Variants in PNPT1 observed in about 807,000 individuals in gnomAD.
The protein encoded by PNPT1 is polyribonucleotide nucleotidyltransferase 1, mitochondrial.
Under a neutral mutation model 119.5 loss-of-function variants are expected in PNPT1, and 53 were observed. The observed-to-expected ratio is 0.44, with a 90% CI of 0.36 to 0.56. The LOEUF is 0.56. PNPT1 is among the 20% of genes least tolerant of loss of function. PNPT1 has a pLI of 0.00. For missense variants in PNPT1, 948 were observed against 938.5 expected (o/e 1.01, Z -0.13); for synonymous variants, 357 against 322.1 (o/e 1.11, Z -1.16).
At chr2:55,648,228 A>T (rs529343931) in intron 18 of PNPT1, among the ~76,000 whole-genome samples, 3 of 152,280 alleles carry the variant, frequency 2.0e-5, no homozygotes, top group African/African-American at 7.2e-5. Flanking sequence ...GACTGTATGC[A>T]TTTACTGTTC....
intron 2 of PNPT1, 116 bp from the exon 3 acceptor site, chr2:55,686,560 G>T: frequency 2.9e-6 from 2 of 697,082 alleles, no homozygotes; most frequent in Non-Finnish European, 4.8e-6. Context: ...CTAATTCTAC[G>T]ACACGATTAT....
chr2:55,663,249 C>T (rs1444150544), intron 13 of PNPT1, among the ~76,000 whole-genome samples: 1 of 152,098 alleles, frequency 6.6e-6, no homozygotes, highest in Non-Finnish European at 1.5e-5. Flanking sequence ...AGTGGAAATT[C>T]TAGAATTGAA....
intron 18 of PNPT1, among the ~76,000 whole-genome samples, chr2:55,648,731 ATAT>A (rs1365820711): frequency 1.3e-5 from 2 of 152,110 alleles, no homozygotes; most frequent in East Asian, 3.8e-4. Flanking sequence ...TAAAGATAAA[ATAT>A]TATGTTTAAT....
intron 13 of PNPT1, among the ~76,000 whole-genome samples, 187 bp downstream of exon 13, chr2:55,666,804 T>C (rs1696745870): frequency 6.6e-6 from 1 of 152,214 alleles, no homozygotes; most frequent in African/African-American, 2.4e-5. Flanking sequence ...ATTGTGCCAC[T>C]GCACTGGAGC....
rs1262704100 is a variant in PNPT1, at chr2:55,692,529, G to T, written c.161+1134C>A. 5.3e-5 allele frequency among the ~76,000 whole-genome samples: 8 copies of T among 151,776 alleles called. No homozygotes were observed. In the East Asian group the frequency reaches 7.7e-4, roughly 15 times the overall value. ...TTAAAGCAAACTTTTTTTTTAAAAA[G>T]CGGTCCCCTAAAAAAAAGTATGGGC... On this transcript the variant is annotated intron_variant, in intron 1 of 27. Coordinates refer to ENST00000447944, the MANE Select transcript of PNPT1 (RefSeq NM_033109.5).
chr2:55,693,217 C>A (rs995119689), intron 1 of PNPT1, among the ~76,000 whole-genome samples: 1 of 152,196 alleles, frequency 6.6e-6, no homozygotes, highest in Admixed American at 6.5e-5. Flanking sequence ...ACGTGGGGGA[C>A]CCGTGGTGCA....
At chr2:55,676,394 T>G (rs1358879342) in intron 8 of PNPT1, among the ~76,000 whole-genome samples, 1 of 152,144 alleles carries the variant, frequency 6.6e-6, no homozygotes, top group Non-Finnish European at 1.5e-5. Context: ...AACATGTTAC[T>G]GGTATACTTT....
rs2104086432 is a variant in PNPT1, at chr2:55,660,182, T to C, written c.1259A>G (p.Asp420Gly). 6.3e-7 allele frequency: 1 copy of C among 1,590,750 alleles called. No homozygotes were observed. The highest frequency in any genetic ancestry group is 8.6e-7 in the Non-Finnish European group (1 of 1,169,256). Residue 420 changes from aspartate to glycine, a missense_variant, in exon 15 of 28, where the codon GAT (aspartate) becomes GGT (glycine). Asp to Gly is a moderately conservative substitution (Grantham distance 94). Coordinates refer to ENST00000447944, the MANE Select transcript of PNPT1 (RefSeq NM_033109.5). ...QVITAINGIKDKNFMLHYEFP... is the reference protein window; with the variant it reads ...QVITAINGIKGKNFMLHYEFP... Reference sequence around the variant, plus strand: ...CTCGTAGTGCAGCATGAAATTTTTATCTTTTATCCCACTAAAAATAAAAGG... The same window carrying C: ...CTCGTAGTGCAGCATGAAATTTTTACCTTTTATCCCACTAAAAATAAAAGG...
chr2:55,669,765 T>TC (rs1696848438), intron 11 of PNPT1, among the ~76,000 whole-genome samples: 1 of 116,628 alleles, frequency 8.6e-6, no homozygotes, highest in South Asian at 2.4e-4. Context: ...AACAGCACTT[T>TC]TTTTTTTTTT....
Position 55,687,074 on chromosome 2 carries a change from C to T in PNPT1, c.222+571G>A, listed in dbSNP as rs548672298. On this transcript the variant is annotated intron_variant, in intron 2 of 27. Coordinates refer to ENST00000447944, the MANE Select transcript of PNPT1 (RefSeq NM_033109.5). ...CTAAAAATACAAAAAATTAGCTGGG[C>T]GTGGTGGCAGGTGCCTGTGGTCCCA... 6.6e-5 allele frequency among the ~76,000 whole-genome samples: 10 copies of T among 151,948 alleles called. No individual in the cohort carries two copies. The South Asian group carries it at 1.5e-3, about 22-fold the overall frequency.
chr2:55,661,926 C>T (rs570587551), intron 14 of PNPT1, 30 bp downstream of exon 14: 1 of 1,517,656 alleles, frequency 6.6e-7, no homozygotes, highest in South Asian at 1.3e-5. Context: ...CATCATAAAA[C>T]GTAACAAACA....
intron 9 of PNPT1, 98 bp downstream of exon 9, chr2:55,672,795 A>G (rs898819480): frequency 1.8e-6 from 2 of 1,128,822 alleles, no homozygotes; most frequent in Non-Finnish European, 1.3e-6. Flanking sequence ...CTATTTATGA[A>G]GTAATGCATG....
chr2:55,672,109 A>G, intron 9 of PNPT1, 63 bp from the exon 10 acceptor site: 1 of 1,258,348 alleles, frequency 7.9e-7, no homozygotes, highest in Middle Eastern at 2.0e-4. Context: ...AGTTTCTATT[A>G]TAAACAAAAC....
At chr2:55,674,719 A>G (rs1310528874) in intron 8 of PNPT1, among the ~76,000 whole-genome samples, 1 of 152,220 alleles carries the variant, frequency 6.6e-6, no homozygotes, top group Non-Finnish European at 1.5e-5. Context: ...ACTGCCTGAT[A>G]TGGTTCTAAC....
In PNPT1 at chr2:55,644,709, C is replaced by T; in HGVS notation, c.1834G>A (p.Val612Ile). Residue 612 changes from valine (V) to isoleucine (I), a missense_variant, in exon 23 of 28, where the codon GTT becomes ATT. Val to Ile is a conservative substitution (Grantham distance 29). Coordinates refer to ENST00000447944, the MANE Select transcript of PNPT1 (RefSeq NM_033109.5). ...ENGPVVETVQ[V>I]PLSKRAKFVG... ...AATTTTGCTCGTTTTGATAATGGAA[C>T]CTGAACAGTTTCTGGAACGTAATAC... The T allele has an allele frequency of 1.9e-6, 3 of 1,609,514 alleles. No homozygotes were observed. The highest frequency in any genetic ancestry group is 2.6e-6 in the Non-Finnish European group (3 of 1,176,446).
At chr2:55,688,765 AC>A (rs1697501393) in intron 1 of PNPT1, among the ~76,000 whole-genome samples, 9 of 151,702 alleles carry the variant, frequency 5.9e-5, no homozygotes, top group Admixed American at 3.3e-4. Context: ...AACAACAACA[AC>A]AAAAAACTTT....
rs1047325606 is a variant in PNPT1, at chr2:55,672,837, C to A, written c.866+56G>T. 18 of 1,482,652 alleles carry A rather than the reference C, an allele frequency of 1.2e-5. No homozygotes were observed. The Admixed American group carries it at 3.7e-4, about 31-fold the overall frequency. 91.8% of individuals were successfully genotyped at this position (1,482,652 alleles called of 1,614,324 possible). A position where few individuals can be genotyped will look rare whatever the true frequency, so the allele number is the denominator to read the frequency against. On this transcript the variant is annotated intron_variant, in intron 9 of 27. Transcript: ENST00000447944. ...GCTTCCATGGGAAGTTTCTCTCCCA[C>A]GAGGAAATTAAATCTGATGACAATT...
At chr2:55,683,890 CA>C in intron 4 of PNPT1, 56 bp from the exon 5 acceptor site, 2 of 1,551,132 alleles carry the variant, frequency 1.3e-6, no homozygotes, top group Non-Finnish European at 1.8e-6. Flanking sequence ...CTTTACAGTT[CA>C]AAACGTTTGA....
At chr2:55,646,523 C>G in intron 19 of PNPT1, 37 bp from the exon 20 acceptor site, 2 of 1,526,392 alleles carry the variant, frequency 1.3e-6, no homozygotes. Flanking sequence ...TAGTTTTAAA[C>G]AAAAACAAAA....
Sources: allele counts gnomAD v4.1 joint callset (sites outside exome capture counted in the v4.1 genomes callset), GRCh38; gene constraint gnomAD v4.1.1; transcripts MANE v1.5; gene names NCBI Gene and HGNC (gene_info 2026-07-23, HGNC 2026-07-21).